Variants in LYZL2 observed in about 807,000 individuals in gnomAD.
LYZL2 encodes the protein lysozyme like 2.
LYZL2 carries 13 observed loss-of-function variants against 17.1 expected under a neutral mutation model. The ratio of observed to expected loss-of-function variants is 0.76; its 90% CI spans 0.49 to 1.21. The LOEUF (loss-of-function observed/expected upper bound fraction) is 1.21, where lower values mean the gene tolerates loss of function less well. Ranked by LOEUF, LYZL2 falls within the 50% of genes most tolerant of loss-of-function variation. The probability of loss-of-function intolerance (pLI) is 0.00; values close to 1 mark genes in which losing one functional copy is unlikely to be tolerated. For missense variants in LYZL2, 166 were observed against 189.2 expected, an observed-to-expected ratio of 0.88 and a Z score of 0.72; for synonymous variants, 63 against 74.4, an observed-to-expected ratio of 0.85 and a Z score of 0.79.
chr10:30,626,336 G>C (rs1838705999), intron 2 of LYZL2, 73 bp from the exon 3 acceptor site: 14 of 1,579,612 alleles, frequency 8.9e-6, no homozygotes. Flanking sequence ...CTAAGGGCAA[G>C]TTTCCTCATC....
intron 3 of LYZL2, among the ~76,000 whole-genome samples, chr10:30,617,886 T>C (rs1359137570): frequency 1.3e-5 from 2 of 151,898 alleles, no homozygotes; most frequent in African/African-American, 4.8e-5. Context: ...AGTCAAATTA[T>C]CCCTGTTTGC....
intron 3 of LYZL2, among the ~76,000 whole-genome samples, chr10:30,615,035 A>G (rs1312102218): frequency 6.6e-6 from 1 of 152,260 alleles, no homozygotes; most frequent in Non-Finnish European, 1.5e-5. Flanking sequence ...AAATGCTCCC[A>G]ATGCAATGTT....
chr10:30,617,825 G>A (rs893692149), intron 3 of LYZL2, among the ~76,000 whole-genome samples: 51 of 151,912 alleles, frequency 3.4e-4, no homozygotes, highest in African/African-American at 1.2e-3. Flanking sequence ...TTCTGGCCAG[G>A]GCAATCAGGC....
Position 30,627,117 on chromosome 10 carries a change from C to G in LYZL2, c.-25-177G>C, listed in dbSNP as rs6481709. Among the ~76,000 whole-genome samples the G allele has an allele frequency of 4.1e-3, 616 of 148,762 alleles. 1 individual carries two copies. Among genetic ancestry groups the G allele is most frequent in the African/African-American group, 0.012 (462 of 40,134 alleles). On this transcript the variant is annotated intron_variant, in intron 1 of 4. Coordinates refer to ENST00000647634, the MANE Select transcript of LYZL2 (RefSeq NM_183058.3). ...GGGAAGGAATGTGACTGCAGGCTGT[C>G]TCCTTAATGCTTTTCCATACAGTAA...
At chr10:30,607,154 C>T (rs78568418), downstream of LYZL2, among the ~76,000 whole-genome samples, 10 of 8,282 alleles carry the variant, frequency 1.2e-3, no homozygotes, top group African/African-American at 4.6e-3. Context: ...TCAGGTGATC[C>T]ACCCGCCTTG....
chr10:30,614,892 A>C (rs1838503182), intron 3 of LYZL2, among the ~76,000 whole-genome samples: 1 of 152,190 alleles, frequency 6.6e-6, no homozygotes, highest in African/African-American at 2.4e-5. Flanking sequence ...CTATAGCATT[A>C]TTTACAAGAG....
chr10:30,627,033 G>A (rs967182553), intron 1 of LYZL2, 93 bp from the exon 2 acceptor site: 4 of 1,538,764 alleles, frequency 2.6e-6, no homozygotes, highest in Non-Finnish European at 3.5e-6. Flanking sequence ...CCTAGATGCT[G>A]CCTGTCACTT....
intron 3 of LYZL2, among the ~76,000 whole-genome samples, chr10:30,614,079 A>G (rs1274415551): frequency 6.6e-6 from 1 of 152,210 alleles, no homozygotes; most frequent in East Asian, 1.9e-4. Context: ...TGATATCCAC[A>G]TTCTTTCCTG....
chr10:30,616,224 A>C (rs531570131), intron 3 of LYZL2, among the ~76,000 whole-genome samples: 63 of 152,350 alleles, frequency 4.1e-4, no homozygotes, highest in Non-Finnish European at 7.9e-4. Context: ...AAGCAAATTT[A>C]TTCTAAATGT....
At chr10:30,611,226 T>C (rs1838428260), downstream of LYZL2, among the ~76,000 whole-genome samples, 1 of 152,004 alleles carries the variant, frequency 6.6e-6, no homozygotes, top group Admixed American at 6.6e-5. Flanking sequence ...AAGACATCAT[T>C]GAAACTGAGT....
chr10:30,613,429 C>G (rs1299481886), intron 3 of LYZL2, among the ~76,000 whole-genome samples: 1 of 145,942 alleles, frequency 6.9e-6, no homozygotes, highest in East Asian at 2.1e-4. Context: ...CCCAGGAGGT[C>G]AAAGCTGAAA....
At chr10:30,618,799 T>C (rs1482448437) in intron 3 of LYZL2, among the ~76,000 whole-genome samples, 5 of 152,118 alleles carry the variant, frequency 3.3e-5, no homozygotes, top group Admixed American at 6.5e-5. Flanking sequence ...CAAAAAGCAA[T>C]GGCAACAAAA....
rs34812106 is a variant in LYZL2, at chr10:30,628,159, CA to C, written c.-25-1220del. Among the ~76,000 whole-genome samples the C allele has an allele frequency of 6.1e-4, 87 of 141,942 alleles. No individual in the cohort carries two copies. In the South Asian group the frequency reaches 0.011, roughly 18 times the overall value. The allele number at this position is 141,942 out of a possible 152,430, so 93.1% of individuals were successfully genotyped here. On this transcript the variant is annotated intron_variant, in intron 1 of 4. Transcript: ENST00000647634. ...TGGGCGACAGAGCGAGACTCCGCCT[CA>C]AAAAAAAAAAGATTCATCGTTTGGG...
chr10:30,623,068 A>G (rs1393096268), intron 3 of LYZL2, among the ~76,000 whole-genome samples: 16 of 152,222 alleles, frequency 1.1e-4, no homozygotes, highest in Non-Finnish European at 2.2e-4. Context: ...AGAAACTTGG[A>G]CTCCAGTGAT....
chr10:30,619,717 A>G (rs1248834066), intron 3 of LYZL2, among the ~76,000 whole-genome samples: 3 of 152,026 alleles, frequency 2.0e-5, no homozygotes, highest in Non-Finnish European at 2.9e-5. Context: ...TAGGAGATAT[A>G]CCTAATGCTA....
chr10:30,626,303 C>G, intron 2 of LYZL2, 40 bp from the exon 3 acceptor site: 5 of 1,608,036 alleles, frequency 3.1e-6, no homozygotes, highest in Non-Finnish European at 4.2e-6. Flanking sequence ...AAAGGAGGTG[C>G]CATCTTTTGC....
intron 1 of LYZL2, among the ~76,000 whole-genome samples, chr10:30,627,689 G>C (rs1432829379): frequency 6.6e-6 from 1 of 152,164 alleles, no homozygotes; most frequent in Admixed American, 6.5e-5. Flanking sequence ...CCAGTCAGCA[G>C]TAGGCTATTA....
At chr10:30,613,212 G>A (rs10159940) in intron 3 of LYZL2, among the ~76,000 whole-genome samples, 17,335 of 152,188 alleles carry the variant, frequency 0.11, 1,070 homozygotes, top group South Asian at 0.18. Context: ...ACAGAAATAG[G>A]CACAGGCCGG....
intron 3 of LYZL2, among the ~76,000 whole-genome samples, chr10:30,619,553 C>A (rs1838587166): frequency 6.6e-6 from 1 of 151,882 alleles, no homozygotes; most frequent in Non-Finnish European, 1.5e-5. Context: ...TGGAAACCAT[C>A]ATTCTCAGCA....
Sources: allele counts gnomAD v4.1 joint callset (sites outside exome capture counted in the v4.1 genomes callset), GRCh38; gene constraint gnomAD v4.1.1; transcripts MANE v1.5; gene names NCBI Gene and HGNC (gene_info 2026-07-23, HGNC 2026-07-21).